Variants in EDC4 observed in about 807,000 individuals in gnomAD.
The protein encoded by EDC4 is enhancer of mRNA-decapping protein 4.
A neutral mutation model predicts 155.8 loss-of-function variants in EDC4; 64 were observed. That is an observed-to-expected ratio of 0.41 (90% CI 0.34 to 0.51). The LOEUF (loss-of-function observed/expected upper bound fraction) is 0.51. Ranked by LOEUF, EDC4 falls within the 20% of genes least tolerant of loss-of-function variation. EDC4 has a pLI of 0.19. For missense variants in EDC4, 1,303 were observed against 1,812.5 expected, an observed-to-expected ratio of 0.72 and a Z score of 5.10; for synonymous variants, 684 against 716.8, an observed-to-expected ratio of 0.95 and a Z score of 0.73.
rs1449437119 is a variant in EDC4, at chr16:67,877,823, T to C, written c.872T>C (p.Ile291Thr). Residue 291 changes from isoleucine (I) to threonine (T), a missense_variant, in exon 7 of 29, where the codon ATT becomes ACT. By Grantham distance (89) the Ile-to-Thr change is moderately conservative. Transcript: ENST00000358933. The surrounding 1 kb of genome is among the most constrained non-coding windows in gnomAD (Gnocchi z 4.9). Reference protein sequence around the residue: ...VDVSQIKQGFIVVKGHSTCLS... With the variant: ...VDVSQIKQGFTVVKGHSTCLS... The stretch of plus-strand genomic sequence containing the variant: ...GTTAGCCAGATCAAGCAGGGCTTCA[T>C]TGTGGTAAAAGGTCATAGCACGGTA... 4.3e-6 allele frequency: 7 copies of C among 1,614,010 alleles called. No individual in the cohort carries two copies. The highest frequency in any genetic ancestry group is 1.3e-5 in the African/African-American group (1 of 74,936).
chr16:67,880,561 C>T lies in EDC4; in HGVS notation c.2102C>T (p.Pro701Leu). 3 of 1,612,884 alleles carry T rather than the reference C, an allele frequency of 1.9e-6. No individual in the cohort carries two copies. The highest frequency in any genetic ancestry group is 2.5e-6 in the Non-Finnish European group (3 of 1,179,096). ...CCCATCTTTGGCCCACCTCAGGTGCCTACTGCCACCTCTGCACTGTCCCTG... is the reference window on the plus strand; with the variant it reads ...CCCATCTTTGGCCCACCTCAGGTGCTTACTGCCACCTCTGCACTGTCCCTG... ...KLTPKGPGQV[P>L]TATSALSLEL... The change falls in exon 18 of 29, where the codon CCT becomes CTT. Residue 701 changes from proline (P) to leucine (L), a missense_variant. By Grantham distance (98) the Pro-to-Leu change is moderately conservative (BLOSUM62 -3). Around this residue, in one of 5 missense-constraint regions of EDC4, gnomAD observed 391 missense variants for 445.4 expected, o/e 0.88. Coordinates refer to ENST00000358933, the MANE Select transcript of EDC4 (RefSeq NM_014329.5). This position sits in a 1 kb window ranked among gnomAD's most constrained non-coding sequence, Gnocchi z 5.2.
rs1363479947 is a variant in EDC4, at chr16:67,878,202, G to C, written c.931G>C (p.Val311Leu). The stretch of plus-strand genomic sequence containing the variant: ...AGGAGCCCTCTCTCCTGATGGGACT[G>C]TGCTGGCTACTGCGAGCCACGATGG... ...SEGALSPDGT[V>L]LATASHDGYV... The change falls in exon 8 of 29, where the codon GTG (valine) becomes CTG (leucine). Residue 311 changes from valine to leucine, a missense_variant. Coordinates refer to ENST00000358933, the MANE Select transcript of EDC4 (RefSeq NM_014329.5). The surrounding 1 kb of genome is among the most constrained non-coding windows in gnomAD (Gnocchi z 5.2). 6.2e-7 allele frequency: 1 copy of C among 1,614,212 alleles called. No homozygotes were observed. Among genetic ancestry groups the C allele is most frequent in the South Asian group, 1.1e-5 (1 of 91,088 alleles).
rs2058056752 is a variant in EDC4 at position 67,879,699 on chromosome 16, C to T, written c.1746C>T (p.Leu582=). Reference sequence around the variant, plus strand: ...AGCTGCCTGCACCTGCCGACTTCCTCAGTCTGAGCAGTGAGACCAAGCCCA... The same window carrying T: ...AGCTGCCTGCACCTGCCGACTTCCTTAGTCTGAGCAGTGAGACCAAGCCCA... The part of the protein sequence containing the change: ...IVELPAPADF[L]SLSSETKPKL... The change falls in exon 15 of 29, where the codon CTC becomes CTT. Residue 582 remains leucine, a synonymous_variant. Coordinates refer to ENST00000358933, the MANE Select transcript of EDC4 (RefSeq NM_014329.5). This position sits in a 1 kb window ranked among gnomAD's most constrained non-coding sequence, Gnocchi z 6.0. 6.2e-7 allele frequency: 1 copy of T among 1,614,204 alleles called. No individual in the cohort carries two copies. The highest frequency in any genetic ancestry group is 8.5e-7 in the Non-Finnish European group (1 of 1,180,028).
intron 1 of EDC4, chr16:67,875,560 C>A: frequency 5.1e-6 from 1 of 195,250 alleles, no homozygotes; most frequent in Non-Finnish European, 9.3e-6. Context: ...GCCTCTGTAG[C>A]TTTGTTTTCA....
At position 67,878,468 on chromosome 16, in the gene EDC4, G is replaced by A. The variant is rs1194448381; in HGVS notation, c.1088+25G>A. 6.2e-7 allele frequency: 1 copy of A among 1,614,126 alleles called. No homozygotes were observed. The highest frequency in any genetic ancestry group is 8.5e-7 in the Non-Finnish European group (1 of 1,180,050). The stretch of plus-strand genomic sequence containing the variant: ...AGTGAGTGAGTGGGCAGCCTAGTGG[G>A]TGGTGGGCTGGACCATGGCTCCCAG... On this transcript the variant is annotated intron_variant, in intron 9 of 28. Coordinates refer to ENST00000358933, the MANE Select transcript of EDC4 (RefSeq NM_014329.5). This position sits in a 1 kb window ranked among gnomAD's most constrained non-coding sequence, Gnocchi z 5.2.
intron 1 of EDC4, 120 bp from the exon 2 acceptor site, chr16:67,875,825 C>T: frequency 1.3e-6 from 2 of 1,499,018 alleles, no homozygotes; most frequent in South Asian, 2.7e-5. Context: ...TCCTCATGGA[C>T]ATGCTTTGCT....
At position 67,877,504 on chromosome 16, in the gene EDC4, C is replaced by T; in HGVS notation, c.642-5C>T. Reference sequence around the variant, plus strand: ...CATCTATCTAGCCCTTAACACCCTGCTCAGAGAAGAGATCTTGGTCCATAT... The same window carrying T: ...CATCTATCTAGCCCTTAACACCCTGTTCAGAGAAGAGATCTTGGTCCATAT... On this transcript the variant is annotated splice_polypyrimidine_tract_variant and splice_region_variant and intron_variant, in intron 5 of 28. Transcript: ENST00000358933. The surrounding 1 kb of genome is among the most constrained non-coding windows in gnomAD (Gnocchi z 4.9). The T allele has an allele frequency of 6.2e-7, 1 of 1,614,116 alleles. No homozygotes were observed. The highest frequency in any genetic ancestry group is 8.5e-7 in the Non-Finnish European group (1 of 1,180,010).
At position 67,882,349 on chromosome 16, in the gene EDC4, GGGTGGAGGT is replaced by G. The variant is rs1567391885; in HGVS notation, c.3276+28_3276+36del. 1 of 1,613,728 alleles carries G rather than the reference GGGTGGAGGT, an allele frequency of 6.2e-7. No homozygotes were observed. The highest frequency in any genetic ancestry group is 1.7e-4 in the Middle Eastern group (1 of 6,060). The stretch of plus-strand genomic sequence containing the variant: ...CAAGGTGCTATAGGGCCCAAGATGT[GGGTGGAGGT>G]GGTGGTTCCTGGGCCTAGTCAGGCC... On this transcript the variant is annotated intron_variant, in intron 24 of 28. Transcript: ENST00000358933. The surrounding 1 kb of genome is among the most constrained non-coding windows in gnomAD (Gnocchi z 7.2).
At position 67,877,971 on chromosome 16, in the gene EDC4, T is replaced by C. The variant is rs8061384; in HGVS notation, c.894+126T>C. 13 of 1,505,674 alleles carry C rather than the reference T, an allele frequency of 8.6e-6. No homozygotes were observed. Among genetic ancestry groups the C allele is most frequent in the Non-Finnish European group, 9.0e-6 (10 of 1,115,244 alleles). 93.3% of individuals were successfully genotyped at this position (1,505,674 alleles called of 1,614,324 possible). On this transcript the variant is annotated intron_variant, in intron 7 of 28. Coordinates refer to ENST00000358933, the MANE Select transcript of EDC4 (RefSeq NM_014329.5). This position sits in a 1 kb window ranked among gnomAD's most constrained non-coding sequence, Gnocchi z 4.9. The stretch of plus-strand genomic sequence containing the variant: ...TGCCCGTGGGGACTCTGAGCTCAAA[T>C]TGGCCCTCACCTGTGCAGCTTTCTC...
chr16:67,878,054 A>G lies in EDC4; in HGVS notation c.895-112A>G, dbSNP rs535115599. ...CTCTAGGAACCCTGTTCATTTAGTC[A>G]GTCACACAAGCATGCCAGTCCCACC... On this transcript the variant is annotated intron_variant, in intron 7 of 28. Transcript: ENST00000358933. This position sits in a 1 kb window ranked among gnomAD's most constrained non-coding sequence, Gnocchi z 5.2. The G allele has an allele frequency of 4.6e-4, 697 of 1,527,830 alleles. 8 individuals carry two copies. The South Asian group carries it at 5.4e-3, about 12-fold the overall frequency. 94.6% of individuals were successfully genotyped at this position (1,527,830 alleles called of 1,614,324 possible).
Position 67,882,273 on chromosome 16 carries a change from C to G in EDC4, c.3222C>G (p.Leu1074=), listed in dbSNP as rs1403846653. 6.2e-7 allele frequency: 1 copy of G among 1,613,242 alleles called. No homozygotes were observed. Among genetic ancestry groups the G allele is most frequent in the Non-Finnish European group, 8.5e-7 (1 of 1,179,638 alleles). ...GQLSNSVATK[L]TAVEGSMKEN... is the part of the protein sequence containing the mutation. ...TGAGCAACTCAGTGGCTACCAAGCT[C>G]ACAGCTGTGGAGGGCAGCATGAAAG... The change falls in exon 24 of 29, where the codon CTC becomes CTG. Residue 1074 remains leucine, a synonymous_variant. Coordinates refer to ENST00000358933, the MANE Select transcript of EDC4 (RefSeq NM_014329.5). This position sits in a 1 kb window ranked among gnomAD's most constrained non-coding sequence, Gnocchi z 7.2.
Position 67,878,298 on chromosome 16 carries a change from A to G in EDC4, c.1004+23A>G. 6 of 1,614,190 alleles carry G rather than the reference A, an allele frequency of 3.7e-6. No homozygotes were observed. Among genetic ancestry groups the G allele is most frequent in the Non-Finnish European group, 5.1e-6 (6 of 1,180,038 alleles). On this transcript the variant is annotated intron_variant, in intron 8 of 28. Coordinates refer to ENST00000358933, the MANE Select transcript of EDC4 (RefSeq NM_014329.5). This position sits in a 1 kb window ranked among gnomAD's most constrained non-coding sequence, Gnocchi z 5.2. ...AAGGTAAGGCAGGGCCTCAGGGACC[A>G]GGATCCTCCCGAGGTAGCCCACCCG...
rs575226236 is a variant in EDC4 at position 67,878,323 on chromosome 16, G to A, written c.1005-37G>A. 28 of 1,614,148 alleles carry A rather than the reference G, an allele frequency of 1.7e-5. No individual in the cohort carries two copies. Among genetic ancestry groups the A allele is most frequent in the Non-Finnish European group, 2.3e-5 (27 of 1,180,036 alleles). On this transcript the variant is annotated intron_variant, in intron 8 of 28. Transcript: ENST00000358933. This position sits in a 1 kb window ranked among gnomAD's most constrained non-coding sequence, Gnocchi z 5.2. ...AGGATCCTCCCGAGGTAGCCCACCC[G>A]ACCACTCACTCAGGCCCCTCATCTG...
chr16:67,874,982 A>G (rs928837554), intron 1 of EDC4, among the ~76,000 whole-genome samples: 4 of 152,198 alleles, frequency 2.6e-5, no homozygotes, highest in Admixed American at 6.5e-5. Context: ...TGGGAGGCTG[A>G]TGCAGGAGAA....
At position 67,876,333 on chromosome 16, in the gene EDC4, C is replaced by A; in HGVS notation, c.240-155C>A. On this transcript the variant is annotated intron_variant, in intron 2 of 28. Transcript: ENST00000358933. The surrounding 1 kb of genome is among the most constrained non-coding windows in gnomAD (Gnocchi z 5.8). ...GCTCATTCCCAAGGAAGGAGATGAG[C>A]AAGCAGAGCTGTGGGTCTGGGGCCA... 2.4e-6 allele frequency: 2 copies of A among 833,112 alleles called. No individual in the cohort carries two copies. Among genetic ancestry groups the A allele is most frequent in the African/African-American group, 1.8e-5 (1 of 54,396 alleles). The allele number at this position is 833,112 out of a possible 1,614,324, so 51.6% of individuals were successfully genotyped here. A position where few individuals can be genotyped will look rare whatever the true frequency, so the allele number is the denominator to read the frequency against.
At chr16:67,875,450 C>G (rs546902686) in intron 1 of EDC4, among the ~76,000 whole-genome samples, 1 of 152,178 alleles carries the variant, frequency 6.6e-6, no homozygotes, top group Non-Finnish European at 1.5e-5. Flanking sequence ...GAGTAATCTT[C>G]CCACTGGCCA....
chr16:67,880,622 A>T lies in EDC4; in HGVS notation c.2163A>T (p.Gln721His). 6.2e-7 allele frequency: 1 copy of T among 1,614,082 alleles called. No individual in the cohort carries two copies. The highest frequency in any genetic ancestry group is 8.5e-7 in the Non-Finnish European group (1 of 1,180,012). ...LQEVEPLGLP[Q>H]ASPSRTRSPD... Reference sequence around the variant, plus strand: ...AAGTGGAGCCCCTGGGGCTACCCCAAGCCTCCCCTAGCCGCACTCGTTCCC... The same window carrying T: ...AAGTGGAGCCCCTGGGGCTACCCCATGCCTCCCCTAGCCGCACTCGTTCCC... Residue 721 changes from glutamine (Q) to histidine (H), a missense_variant, in exon 18 of 29, where the codon CAA (glutamine) becomes CAT (histidine). Gln to His is a conservative substitution (Grantham distance 24). Coordinates refer to ENST00000358933, the MANE Select transcript of EDC4 (RefSeq NM_014329.5). The surrounding 1 kb of genome is among the most constrained non-coding windows in gnomAD (Gnocchi z 5.2).
At position 67,881,775 on chromosome 16, in the gene EDC4, A is replaced by G. The variant is rs2058069156; in HGVS notation, c.2934A>G (p.Gln978=). ...QEELLQRLCT[Q]LEGLQSTVTG... The stretch of plus-strand genomic sequence containing the variant: ...AGCTGCTGCAGCGTCTGTGTACCCA[A>G]CTCGAAGGCCTGCAGAGCACAGTCA... Residue 978 remains glutamine (Q), a synonymous_variant, in exon 22 of 29, where the codon CAA becomes CAG. Transcript: ENST00000358933. This position sits in a 1 kb window ranked among gnomAD's most constrained non-coding sequence, Gnocchi z 5.4. The G allele has an allele frequency of 8.7e-6, 14 of 1,613,918 alleles. No homozygotes were observed. Among genetic ancestry groups the G allele is most frequent in the East Asian group, 2.2e-5 (1 of 44,888 alleles).
intron 1 of EDC4, among the ~76,000 whole-genome samples, chr16:67,873,763 C>T (rs2058031052): frequency 1.3e-5 from 2 of 152,190 alleles, no homozygotes; most frequent in Admixed American, 6.5e-5. Context: ...CCCTCCATAA[C>T]TTGCCCTTCT....
Sources: gnomAD v4.1 joint callset for allele counts (sites outside exome capture counted in the v4.1 genomes callset) on GRCh38, gnomAD v4.1.1 for gene constraint, gnomAD v4.1.1 regional missense constraint, Gnocchi (gnomAD v3.1) non-coding constraint, MANE v1.5 for transcripts, NCBI Gene and HGNC (gene_info 2026-07-23, HGNC 2026-07-21) for gene names.